ARMCX5: variants seen among roughly 807,000 people sequenced by gnomAD.
ARMCX5 encodes the protein armadillo repeat-containing X-linked protein 5.
Under a neutral mutation model 7.5 loss-of-function variants are expected in ARMCX5, and 1 was observed. That is an observed-to-expected ratio of 0.13 (90% CI 0.05 to 0.63). The LOEUF (loss-of-function observed/expected upper bound fraction) is 0.63, where lower values mean the gene tolerates loss of function less well. Among genes scored for constraint, ARMCX5 ranks in the 30% least tolerant of loss-of-function variants. The pLI, the probability that ARMCX5 is intolerant of heterozygous loss-of-function variation, is 0.86. For synonymous variants in ARMCX5, 149 were observed against 145.7 expected, an observed-to-expected ratio of 1.02 and a Z score of -0.16; for missense variants, 346 against 402.2, an observed-to-expected ratio of 0.86 and a Z score of 1.19.
In ARMCX5 at chrX:102,603,021, A is replaced by G. The variant is rs1176689378; in HGVS notation, c.880A>G (p.Asn294Asp). The G allele has an allele frequency of 1.7e-6, 2 of 1,211,749 alleles. No individual in the cohort carries two copies. The highest frequency in any genetic ancestry group is 4.3e-5 in the Admixed American group (2 of 46,032). The change falls in exon 4 of 4, where the codon AAT (asparagine) becomes GAT (aspartate). Residue 294 changes from asparagine to aspartate, a missense_variant. Around this residue, in one of 3 missense-constraint regions of ARMCX5, gnomAD observed 204 missense variants for 244.3 expected, o/e 0.83. Transcript: ENST00000473968. ...TAGGCAAAGGGAAAAGTATGGGCCT[A>G]ATCCGAAGGCCTGCCACTGCAAATC... ...QIRQREKYGPNPKACHCKSRG... is the reference protein window; with the variant it reads ...QIRQREKYGPDPKACHCKSRG...
Position 102,599,746 on chromosome X carries a change from T to C in ARMCX5, c.-523T>C, listed in dbSNP as rs2081004753. The C allele has an allele frequency of 9.3e-6, 1 of 107,820 alleles. No individual in the cohort carries two copies. The highest frequency in any genetic ancestry group is 3.4e-5 in the African/African-American group (1 of 29,461). 8.9% of individuals were successfully genotyped at this position (107,820 alleles called of 1,213,427 possible). A position where few individuals can be genotyped will look rare whatever the true frequency, so the allele number is the denominator to read the frequency against. On this transcript the variant is annotated 5_prime_UTR_variant, in exon 1 of 4. Transcript: ENST00000473968. ...CAATCCCCATACACAGCCGCCGCCA[T>C]TGCCTCGAGTCCTTGTGTCTGACTG... is the stretch of plus-strand genomic sequence containing the variant.
rs929475545 is a variant in ARMCX5, at chrX:102,601,873, C to T, written c.-262-7C>T. 4.4e-5 allele frequency: 16 copies of T among 361,681 alleles called. No homozygotes were observed. Among genetic ancestry groups the T allele is most frequent in the African/African-American group, 3.6e-4 (14 of 39,142 alleles). The allele number at this position is 361,681 out of a possible 1,213,427, so 29.8% of individuals were successfully genotyped here. On this transcript the variant is annotated splice_polypyrimidine_tract_variant and splice_region_variant and intron_variant, in intron 3 of 3. Transcript: ENST00000473968. ...CTCAAAGCCCCATTTCCTTCCTCCACCCCTAGGTCCTACTTCAGTGGCAGA... is the reference window on the plus strand; with the variant it reads ...CTCAAAGCCCCATTTCCTTCCTCCATCCCTAGGTCCTACTTCAGTGGCAGA...
In ARMCX5 at chrX:102,602,717, C is replaced by A. The variant is rs766378329; in HGVS notation, c.576C>A (p.Thr192=). The A allele has an allele frequency of 8.3e-7, 1 of 1,207,612 alleles. No individual in the cohort carries two copies. The highest frequency in any genetic ancestry group is 2.2e-5 in the Admixed American group (1 of 45,650). Residue 192 remains threonine, a synonymous_variant, in exon 4 of 4, where the codon ACC becomes ACA. Coordinates refer to ENST00000473968, the MANE Select transcript of ARMCX5 (RefSeq NM_001168478.2). ...CCTGGTTCTGGCCTGAAGAAGAGAC[C>A]TCTCTTCAAGTTTATAAGCCCCTAC... ...VGSWFWPEEE[T]SLQVYKPLPK...
Position 102,603,479 on chromosome X carries a change from C to T in ARMCX5, c.1338C>T (p.Val446=), listed in dbSNP as rs767286006. The T allele has an allele frequency of 8.3e-7, 1 of 1,209,070 alleles. No individual in the cohort carries two copies. Among genetic ancestry groups the T allele is most frequent in the Non-Finnish European group, 1.1e-6 (1 of 893,403 alleles). The change falls in exon 4 of 4, where the codon GTC becomes GTT. Residue 446 remains valine (V), a synonymous_variant. Coordinates refer to ENST00000473968, the MANE Select transcript of ARMCX5 (RefSeq NM_001168478.2). ...TCACCTTGTTAAACAAGGGAAGTGT[C>T]AAAACCAAGTTTTATGTTTTAAAAG... ...DFLTLLNKGS[V]KTKFYVLKVF...
Position 102,599,539 on chromosome X carries a change from C to G in ARMCX5, c.-730C>G, listed in dbSNP as rs754103866. On this transcript the variant is annotated 5_prime_UTR_variant, in exon 1 of 4. Transcript: ENST00000473968. ...CCTCCCACTGCCGTTGTGGGTAACG[C>G]GGACGTGGAAGAACCTCGTCTGCGG... 1.8e-5 allele frequency: 2 copies of G among 109,923 alleles called. No homozygotes were observed. The highest frequency in any genetic ancestry group is 3.3e-5 in the African/African-American group (1 of 30,127). 9.1% of individuals were successfully genotyped at this position (109,923 alleles called of 1,213,427 possible).
chrX:102,602,291 C>T lies in ARMCX5; in HGVS notation c.150C>T (p.Thr50=). 1.7e-6 allele frequency: 2 copies of T among 1,211,376 alleles called. No individual in the cohort carries two copies. The highest frequency in any genetic ancestry group is 2.2e-6 in the Non-Finnish European group (2 of 895,367). The change falls in exon 4 of 4, where the codon ACC becomes ACT. Residue 50 remains threonine, a synonymous_variant. Transcript: ENST00000473968. Reference sequence around the variant, plus strand: ...CAGAACTGAAAACAGAATCAGTGACCCAGGCCAAAGCTGGTGATGGAGCAA... The same window carrying T: ...CAGAACTGAAAACAGAATCAGTGACTCAGGCCAAAGCTGGTGATGGAGCAA... ...AEAELKTESV[T]QAKAGDGAMT...
intron 1 of ARMCX5, chrX:102,600,156 G>A (rs1011193072): frequency 3.8e-5 from 4 of 105,463 alleles, no homozygotes; most frequent in Non-Finnish European, 7.7e-5. Flanking sequence ...GAGAGGGAGA[G>A]AATGTAAAAA....
At position 102,599,765 on chromosome X, in the gene ARMCX5, C is replaced by CT. The variant is rs1356901286; in HGVS notation, c.-503dup. 9.3e-6 allele frequency: 1 copy of CT among 107,166 alleles called. No homozygotes were observed. Among genetic ancestry groups the CT allele is most frequent in the Non-Finnish European group, 1.9e-5 (1 of 52,130 alleles). The allele number at this position is 107,166 out of a possible 1,213,427, so 8.8% of individuals were successfully genotyped here. A position where few individuals can be genotyped will look rare whatever the true frequency, so the allele number is the denominator to read the frequency against. On this transcript the variant is annotated 5_prime_UTR_variant, in exon 1 of 4. The change abolishes the stop of an existing upstream ORF in the 5' untranslated region. Transcript: ENST00000473968. ...CCGCCATTGCCTCGAGTCCTTGTGTCTGACTGTCTGTTCCTGCTGCTGTAT... is the reference window on the plus strand; with the variant it reads ...CCGCCATTGCCTCGAGTCCTTGTGTCTTGACTGTCTGTTCCTGCTGCTGTAT...
At position 102,602,547 on chromosome X, in the gene ARMCX5, T is replaced by A; in HGVS notation, c.406T>A (p.Ser136Thr). The A allele has an allele frequency of 8.3e-7, 1 of 1,210,768 alleles. No individual in the cohort carries two copies. The highest frequency in any genetic ancestry group is 1.1e-6 in the Non-Finnish European group (1 of 895,099). Residue 136 changes from serine to threonine, a missense_variant, in exon 4 of 4, where the codon TCC becomes ACC. By Grantham distance (58) the Ser-to-Thr change is moderately conservative. This residue lies in a region of ARMCX5 where 204 missense variants were observed against 244.3 expected (regional missense o/e 0.83). Transcript: ENST00000473968. ...TGCTGTCATTGAGGCAAATATTAGG[T>A]CCTATGCCAAGTCACATGATAAGGC... ...VVAVIEANIRSYAKSHDKANT... is the reference protein window; with the variant it reads ...VVAVIEANIRTYAKSHDKANT...
At position 102,602,313 on chromosome X, in the gene ARMCX5, G is replaced by A; in HGVS notation, c.172G>A (p.Ala58Thr). The A allele has an allele frequency of 8.3e-7, 1 of 1,211,754 alleles. No homozygotes were observed. ...SVTQAKAGDG[A>T]MTRTHTVTYR... The stretch of plus-strand genomic sequence containing the variant: ...GACCCAGGCCAAAGCTGGTGATGGA[G>A]CAATGACCAGGACACATACAGTGAC... Residue 58 changes from alanine to threonine, a missense_variant, in exon 4 of 4, where the codon GCA becomes ACA. Physicochemically the swap from Ala to Thr is moderately conservative, Grantham distance 58. This residue lies in a region of ARMCX5 where 204 missense variants were observed against 244.3 expected (regional missense o/e 0.83). Transcript: ENST00000473968.
chrX:102,603,004 G>T lies in ARMCX5; in HGVS notation c.863G>T (p.Arg288Met). Residue 288 changes from arginine (R) to methionine (M), a missense_variant, in exon 4 of 4, where the codon AGG (arginine) becomes ATG (methionine). Around this residue, in one of 3 missense-constraint regions of ARMCX5, gnomAD observed 204 missense variants for 244.3 expected, o/e 0.83. Coordinates refer to ENST00000473968, the MANE Select transcript of ARMCX5 (RefSeq NM_001168478.2). Reference protein sequence around the residue: ...LAEIKKQIRQREKYGPNPKAC... With the variant: ...LAEIKKQIRQMEKYGPNPKAC... Reference sequence around the variant, plus strand: ...GAGATCAAAAAACAGATTAGGCAAAGGGAAAAGTATGGGCCTAATCCGAAG... The same window carrying T: ...GAGATCAAAAAACAGATTAGGCAAATGGAAAAGTATGGGCCTAATCCGAAG... 1 of 1,211,530 alleles carries T rather than the reference G, an allele frequency of 8.3e-7. No homozygotes were observed. Among genetic ancestry groups the T allele is most frequent in the South Asian group, 1.8e-5 (1 of 56,982 alleles).
At chrX:102,600,536 C>G (rs1256215851) in intron 1 of ARMCX5, 1 of 111,130 alleles carries the variant, frequency 9.0e-6, no homozygotes, top group East Asian at 2.8e-4. Context: ...TCCTCCCTTA[C>G]CCGCATTATG....
upstream of ARMCX5, chrX:102,599,316 A>C (rs1042746042): frequency 2.7e-5 from 3 of 110,451 alleles, no homozygotes; most frequent in African/African-American, 9.9e-5. Context: ...ATACAGAAAC[A>C]CTCTGGTATT....
chrX:102,601,918 C>T lies in ARMCX5; in HGVS notation c.-224C>T, dbSNP rs944538536. 4 of 396,579 alleles carry T rather than the reference C, an allele frequency of 1.0e-5. No homozygotes were observed. The highest frequency in any genetic ancestry group is 1.3e-5 in the Non-Finnish European group (3 of 229,404). 32.7% of individuals were successfully genotyped at this position (396,579 alleles called of 1,213,427 possible). On this transcript the variant is annotated 5_prime_UTR_variant, in exon 4 of 4. Coordinates refer to ENST00000473968, the MANE Select transcript of ARMCX5 (RefSeq NM_001168478.2). ...GGCAGATCTGGTGGCCTTGGAGTGGCTGAAGACCACCACCCTCCACAGGGC... is the reference window on the plus strand; with the variant it reads ...GGCAGATCTGGTGGCCTTGGAGTGGTTGAAGACCACCACCCTCCACAGGGC...
intron 1 of ARMCX5, chrX:102,600,112 T>C (rs2081014662): frequency 9.5e-6 from 1 of 104,835 alleles, no homozygotes; most frequent in Non-Finnish European, 1.9e-5. Context: ...AGAGGGCTAC[T>C]TCCACAGGCG....
Position 102,603,077 on chromosome X carries a change from T to A in ARMCX5, c.936T>A (p.Phe312Leu). 8.3e-7 allele frequency: 1 copy of A among 1,211,643 alleles called. No homozygotes were observed. The highest frequency in any genetic ancestry group is 1.1e-6 in the Non-Finnish European group (1 of 895,236). ...SRGFSLEPKE[F>L]DKLVALLKLT... Reference sequence around the variant, plus strand: ...GCTTTAGTTTAGAGCCTAAAGAGTTTGATAAACTTGTTGCCCTCCTTAAGT... The same window carrying A: ...GCTTTAGTTTAGAGCCTAAAGAGTTAGATAAACTTGTTGCCCTCCTTAAGT... The change falls in exon 4 of 4, where the codon TTT becomes TTA. Residue 312 changes from phenylalanine (F) to leucine (L), a missense_variant. By Grantham distance (22) the Phe-to-Leu change is conservative. This residue lies in a region of ARMCX5 where 204 missense variants were observed against 244.3 expected (regional missense o/e 0.83). Transcript: ENST00000473968.
Position 102,603,235 on chromosome X carries a change from A to G in ARMCX5, c.1094A>G (p.Asn365Ser), listed in dbSNP as rs746711877. The change falls in exon 4 of 4, where the codon AAT becomes AGT. Residue 365 changes from asparagine (N) to serine (S), a missense_variant. Asn to Ser is a conservative substitution (Grantham distance 46). Transcript: ENST00000473968. The part of the protein sequence containing the change: ...VMIENLVNNP[N>S]VKEHPGALSM... Reference sequence around the variant, plus strand: ...ATTGAAAACTTGGTCAATAATCCCAATGTTAAAGAACACCCTGGAGCTTTA... The same window carrying G: ...ATTGAAAACTTGGTCAATAATCCCAGTGTTAAAGAACACCCTGGAGCTTTA... 1.7e-6 allele frequency: 2 copies of G among 1,210,950 alleles called. No homozygotes were observed.
chrX:102,603,264 A>G lies in ARMCX5; in HGVS notation c.1123A>G (p.Met375Val), dbSNP rs770732927. ...TAAAGAACACCCTGGAGCTTTAAGTATGGTGGATGACAGCTCTGAGTCTTC... is the reference window on the plus strand; with the variant it reads ...TAAAGAACACCCTGGAGCTTTAAGTGTGGTGGATGACAGCTCTGAGTCTTC... ...NVKEHPGALS[M>V]VDDSSESSEE... The change falls in exon 4 of 4, where the codon ATG (methionine) becomes GTG (valine). Residue 375 changes from methionine (M) to valine (V), a missense_variant. By Grantham distance (21) the Met-to-Val change is conservative. Coordinates refer to ENST00000473968, the MANE Select transcript of ARMCX5 (RefSeq NM_001168478.2). The G allele has an allele frequency of 8.3e-7, 1 of 1,209,489 alleles. No homozygotes were observed. Among genetic ancestry groups the G allele is most frequent in the African/African-American group, 1.8e-5 (1 of 57,054 alleles).
At position 102,602,788 on chromosome X, in the gene ARMCX5, C is replaced by T; in HGVS notation, c.647C>T (p.Thr216Ile). 8.3e-7 allele frequency: 1 copy of T among 1,211,130 alleles called. No individual in the cohort carries two copies. Among genetic ancestry groups the T allele is most frequent in the Non-Finnish European group, 1.1e-6 (1 of 895,108 alleles). ...AAGCCCACACACAAACCCACACTTA[C>T]TATAAAACAAAAGGTAATAGCATGG... is the stretch of plus-strand genomic sequence containing the variant. ...KPKPTHKPTL[T>I]IKQKVIAWSR... The change falls in exon 4 of 4, where the codon ACT becomes ATT. Residue 216 changes from threonine (T) to isoleucine (I), a missense_variant. Thr to Ile is a moderately conservative substitution (Grantham distance 89). Coordinates refer to ENST00000473968, the MANE Select transcript of ARMCX5 (RefSeq NM_001168478.2).
Sources: allele counts gnomAD v4.1 joint callset, GRCh38; gene constraint gnomAD v4.1.1; regional missense constraint gnomAD v4.1.1; transcripts MANE v1.5; gene names NCBI Gene and HGNC (gene_info 2026-07-23, HGNC 2026-07-21).